BCL11A: variants seen among roughly 807,000 people sequenced by gnomAD.
BCL11A encodes the protein BCL11 transcription factor A.
BCL11A carries 2 observed loss-of-function variants against 55.9 expected under a neutral mutation model. The ratio of observed to expected loss-of-function variants is 0.04; its 90% CI spans 0.01 to 0.11. The LOEUF is 0.11. BCL11A is among the 10% of genes least tolerant of loss of function. The pLI is 1.00. For synonymous variants in BCL11A, 465 were observed against 473.4 expected, an observed-to-expected ratio of 0.98 and a Z score of 0.23; for missense variants, 817 against 1,137.1, an observed-to-expected ratio of 0.72 and a Z score of 4.05.
chr2:60,452,909 C>A (rs1183333816), downstream of BCL11A: 5 of 458,932 alleles, frequency 1.1e-5, no homozygotes, highest in African/African-American at 7.9e-5. Context: ...CAGGTCCCCC[C>A]ACCCCTGCCC....
chr2:60,469,492 A>G (rs1449882525), intron 2 of BCL11A, among the ~76,000 whole-genome samples: 1 of 152,202 alleles, frequency 6.6e-6, no homozygotes, highest in Non-Finnish European at 1.5e-5. Context: ...ATACAAAGCA[A>G]TGGAAGATAA....
rs963559185 is a variant in BCL11A at position 60,459,627 on chromosome 2, AG to A, written c.*776del. On this transcript the variant is annotated 3_prime_UTR_variant, in exon 4 of 4. Coordinates refer to ENST00000642384, the MANE Select transcript of BCL11A (RefSeq NM_022893.4). Reference sequence around the variant, plus strand: ...TCACCCAATGCTGAATTAAGCTACAAGTTTATAACAAGTAGAAAGAACCATC... The same window carrying A: ...TCACCCAATGCTGAATTAAGCTACAATTTATAACAAGTAGAAAGAACCATC... The A allele has an allele frequency of 5.8e-6, 6 of 1,030,876 alleles. No homozygotes were observed. The African/African-American group carries it at 1.0e-4, about 17-fold the overall frequency. 63.9% of individuals were successfully genotyped at this position (1,030,876 alleles called of 1,614,324 possible).
chr2:60,542,305 C>T (rs1315259745), intron 2 of BCL11A: 3 of 159,216 alleles, frequency 1.9e-5, no homozygotes, highest in African/African-American at 4.8e-5. Flanking sequence ...TAAGCCAAAA[C>T]CTCAAATCTG....
At chr2:60,520,366 G>C (rs1263630693) in intron 2 of BCL11A, among the ~76,000 whole-genome samples, 1 of 151,996 alleles carries the variant, frequency 6.6e-6, no homozygotes, top group Non-Finnish European at 1.5e-5. Flanking sequence ...ATTTGGATAT[G>C]TAAACTGAAT....
downstream of BCL11A, chr2:60,452,806 A>G: frequency 3.1e-6 from 2 of 644,834 alleles, no homozygotes; most frequent in East Asian, 2.8e-5. Context: ...CATCTTAAGC[A>G]TGATTTCAAA....
intron 2 of BCL11A, among the ~76,000 whole-genome samples, chr2:60,491,212 C>T (rs7599488): frequency 0.42 from 64,383 of 152,094 alleles, 14,519 homozygotes; most frequent in East Asian, 0.77. Context: ...CAGCCACCTG[C>T]GCATCCTCAA....
chr2:60,467,963 A>ATGG (rs1374316386), intron 3 of BCL11A, among the ~76,000 whole-genome samples: 2 of 63,564 alleles, frequency 3.1e-5, no homozygotes, highest in Admixed American at 1.5e-4. Context: ...ACTGGTGGTG[A>ATGG]TGGTGGTGGT....
In BCL11A at chr2:60,458,276, T is replaced by A. The variant is rs1676039662; in HGVS notation, c.*2128A>T. 4.1e-6 allele frequency: 4 copies of A among 971,924 alleles called. No individual in the cohort carries two copies. The highest frequency in any genetic ancestry group is 5.0e-6 in the Non-Finnish European group (4 of 807,174). The allele number at this position is 971,924 out of a possible 1,614,324, so 60.2% of individuals were successfully genotyped here. A position where few individuals can be genotyped will look rare whatever the true frequency, so the allele number is the denominator to read the frequency against. ...TCTTAAACCTTTCCCCAATGTATGT[T>A]TTTTTTTTTTACAACCTGAAGAGCG... On this transcript the variant is annotated 3_prime_UTR_variant, in exon 4 of 4. Transcript: ENST00000642384.
At chr2:60,478,096 G>A (rs1677735724) in intron 2 of BCL11A, 2 of 152,256 alleles carry the variant, frequency 1.3e-5, no homozygotes. Flanking sequence ...CAAGTAGCTA[G>A]GACTACAGGC....
At chr2:60,467,696 GTGATGGTA>G (rs1676859124) in intron 3 of BCL11A, among the ~76,000 whole-genome samples, 1 of 105,878 alleles carries the variant, frequency 9.4e-6, no homozygotes, top group East Asian at 3.1e-4. Context: ...GGTGGTGGTG[GTGATGGTA>G]CTGGTGGTGA....
At chr2:60,468,441 C>G (rs2103981949) in intron 3 of BCL11A, among the ~76,000 whole-genome samples, 1 of 152,200 alleles carries the variant, frequency 6.6e-6, no homozygotes, top group South Asian at 2.1e-4. Flanking sequence ...TCCAGAGGCA[C>G]AGGCATCTTC....
intron 2 of BCL11A, among the ~76,000 whole-genome samples, chr2:60,531,577 T>C (rs1043880770): frequency 2.0e-5 from 3 of 152,326 alleles, no homozygotes; most frequent in African/African-American, 7.2e-5. Context: ...GCTTTTATTA[T>C]TTCATGCAAG....
At chr2:60,473,162 G>C (rs750764087) in intron 2 of BCL11A, among the ~76,000 whole-genome samples, 2 of 152,008 alleles carry the variant, frequency 1.3e-5, no homozygotes, top group Non-Finnish European at 2.9e-5. Context: ...GTGTATATGT[G>C]AGTGTGTGCA....
chr2:60,532,506 TTACAA>T (rs889079223), intron 2 of BCL11A, among the ~76,000 whole-genome samples: 1 of 152,028 alleles, frequency 6.6e-6, no homozygotes, highest in African/African-American at 2.4e-5. Flanking sequence ...GGTTTCCCCC[TTACAA>T]TAGTTACTCT....
At position 60,546,495 on chromosome 2, in the gene BCL11A, A is replaced by C. The variant is rs1670165819; in HGVS notation, c.56-195T>G. 5.2e-6 allele frequency: 3 copies of C among 582,140 alleles called. No homozygotes were observed. Among genetic ancestry groups the C allele is most frequent in the South Asian group, 4.2e-5 (2 of 47,402 alleles). 36.1% of individuals were successfully genotyped at this position (582,140 alleles called of 1,614,324 possible). ...TTATCAACCAGAGAGCAAATTTGTC[A>C]ATGAGGCAAATCATCACATATGTAA... On this transcript the variant is annotated intron_variant, in intron 1 of 3. Transcript: ENST00000642384. This position sits in a 1 kb window ranked among gnomAD's most constrained non-coding sequence, Gnocchi z 4.1.
intron 2 of BCL11A, among the ~76,000 whole-genome samples, chr2:60,516,484 C>T (rs978142966): frequency 6.6e-6 from 1 of 152,186 alleles, no homozygotes; most frequent in Non-Finnish European, 1.5e-5. Context: ...TCCATGAAGT[C>T]GTCACTGGGA....
At chr2:60,468,911 T>G in intron 2 of BCL11A, 78 bp from the exon 3 acceptor site, 1 of 862,404 alleles carries the variant, frequency 1.2e-6, no homozygotes, top group Non-Finnish European at 1.9e-6. Context: ...ACATTTCAAT[T>G]CCATTAAAAT....
intron 1 of BCL11A, 135 bp downstream of exon 1, chr2:60,553,081 C>G: frequency 1.1e-6 from 1 of 877,202 alleles, no homozygotes; most frequent in South Asian, 1.9e-5. Flanking sequence ...TCTTTTACCT[C>G]GACTCTCGGA....
intron 2 of BCL11A, among the ~76,000 whole-genome samples, chr2:60,487,069 T>C (rs1248475283): frequency 6.6e-6 from 1 of 152,228 alleles, no homozygotes; most frequent in Non-Finnish European, 1.5e-5. Context: ...ACACAGTGAG[T>C]TTCCCTGCCT....
Sources: allele counts gnomAD v4.1 joint callset (sites outside exome capture counted in the v4.1 genomes callset), GRCh38; gene constraint gnomAD v4.1.1; non-coding constraint Gnocchi (gnomAD v3.1); transcripts MANE v1.5; gene names NCBI Gene and HGNC (gene_info 2026-07-23, HGNC 2026-07-21).